The following MIA3 variants were observed in gnomAD, a reference collection of about 807,000 sequenced individuals.
MIA3 encodes transport and Golgi organization protein 1 homolog.
A neutral mutation model predicts 192.4 loss-of-function variants in MIA3; 90 were observed. The observed-to-expected ratio is 0.47, with a 90% CI of 0.39 to 0.56. The LOEUF (loss-of-function observed/expected upper bound fraction) is 0.56, where lower values mean the gene tolerates loss of function less well. Ranked by LOEUF, MIA3 falls within the 20% of genes least tolerant of loss-of-function variation. The pLI is 0.00. For synonymous variants in MIA3, 740 were observed against 792.8 expected, an observed-to-expected ratio of 0.93 and a Z score of 1.12; for missense variants, 2,123 against 2,269.4, an observed-to-expected ratio of 0.94 and a Z score of 1.31.
At chr1:222,648,757 T>A in intron 7 of MIA3, 72 bp from the exon 8 acceptor site, 1 of 873,390 alleles carries the variant, frequency 1.1e-6, no homozygotes, top group Non-Finnish European at 1.9e-6. Context: ...ATTCTGACAG[T>A]TGTATTAGAA....
At chr1:222,660,140 C>T in intron 23 of MIA3, 37 bp from the exon 24 acceptor site, 1 of 1,599,612 alleles carries the variant, frequency 6.3e-7, no homozygotes, top group Non-Finnish European at 8.5e-7. Flanking sequence ...GAAAAAAAGG[C>T]TGTCTTAAAA....
In MIA3 at chr1:222,629,940, C is replaced by T; in HGVS notation, c.2720C>T (p.Thr907Ile). Residue 907 changes from threonine (T) to isoleucine (I), a missense_variant, in exon 4 of 28, where the codon ACT becomes ATT. This residue lies in a region of MIA3 where 1,357 missense variants were observed against 1,396.1 expected (regional missense o/e 0.97). Transcript: ENST00000344922. ...AEPEDDSFHW[T>I]PHTSVEPGHS... is the part of the protein sequence containing the mutation. ...CCTGAAGATGACTCGTTCCACTGGA[C>T]TCCACATACAAGTGTAGAGCCAGGG... 6.2e-7 allele frequency: 1 copy of T among 1,614,112 alleles called. No individual in the cohort carries two copies.
At chr1:222,656,131 G>A (rs1010743712) in intron 18 of MIA3, among the ~76,000 whole-genome samples, 61 of 151,532 alleles carry the variant, frequency 4.0e-4, no homozygotes, top group African/African-American at 1.4e-3. Context: ...CACCATGCCC[G>A]GCTAATTTTT....
intron 9 of MIA3, 87 bp from the exon 10 acceptor site, chr1:222,650,547 C>T: frequency 1.0e-6 from 1 of 992,044 alleles, no homozygotes; most frequent in South Asian, 1.5e-5. Context: ...GTACTGTTTT[C>T]TTCTGTAAGA....
intron 6 of MIA3, among the ~76,000 whole-genome samples, chr1:222,634,971 C>T (rs1662565699): frequency 6.6e-6 from 1 of 152,156 alleles, no homozygotes; most frequent in East Asian, 1.9e-4. Context: ...TCTGGTGTAG[C>T]AACTGGCATT....
Position 222,660,287 on chromosome 1 carries a change from C to G in MIA3, c.5086C>G (p.Arg1696Gly). 1 of 1,613,738 alleles carries G rather than the reference C, an allele frequency of 6.2e-7. No homozygotes were observed. Among genetic ancestry groups the G allele is most frequent in the Non-Finnish European group, 8.5e-7 (1 of 1,179,810 alleles). ...GAGACCTCTCTCTGCTACTCTCAAT[C>G]GAAGAGATATGCCTAGAAGTGAATT... is the stretch of plus-strand genomic sequence containing the variant. ...PVRPLSATLN[R>G]RDMPRSEFGS... The change falls in exon 24 of 28, where the codon CGA (arginine) becomes GGA (glycine). Residue 1696 changes from arginine (R) to glycine (G), a missense_variant. By Grantham distance (125) the Arg-to-Gly change is moderately radical. Coordinates refer to ENST00000344922, the MANE Select transcript of MIA3 (RefSeq NM_198551.4).
chr1:222,651,262 T>C (rs1663418469), intron 11 of MIA3, among the ~76,000 whole-genome samples: 1 of 151,804 alleles, frequency 6.6e-6, no homozygotes, highest in African/African-American at 2.4e-5. Flanking sequence ...AGAATAGTTT[T>C]AGAATGACCT....
intron 7 of MIA3, among the ~76,000 whole-genome samples, chr1:222,646,674 C>T (rs551575116): frequency 6.6e-6 from 1 of 151,752 alleles, no homozygotes; most frequent in South Asian, 2.1e-4. Context: ...ATCGCTTGAA[C>T]TGGGGAAGCA....
chr1:222,650,029 G>A (rs878878976), intron 8 of MIA3, among the ~76,000 whole-genome samples: 10 of 152,130 alleles, frequency 6.6e-5, no homozygotes, highest in African/African-American at 2.2e-4. Flanking sequence ...CACAGGGATG[G>A]TGATAAACCA....
At chr1:222,650,070 C>T (rs1002692597) in intron 8 of MIA3, among the ~76,000 whole-genome samples, 4 of 152,188 alleles carry the variant, frequency 2.6e-5, no homozygotes, top group African/African-American at 9.7e-5. Flanking sequence ...ATGATCCAAT[C>T]ACCTTCCACC....
Position 222,666,726 on chromosome 1 carries a change from A to G in MIA3, c.*1107A>G, listed in dbSNP as rs1664308224. On this transcript the variant is annotated 3_prime_UTR_variant, in exon 28 of 28. Coordinates refer to ENST00000344922, the MANE Select transcript of MIA3 (RefSeq NM_198551.4). ...TGGGGGCGACAGATATTATTCCAAA[A>G]TTAATATTAATTAATATTTAAACGT... 1 of 152,068 alleles carries G rather than the reference A, an allele frequency of 6.6e-6. No homozygotes were observed. Among genetic ancestry groups the G allele is most frequent in the African/African-American group, 2.4e-5 (1 of 41,352 alleles). The allele number at this position is 152,068 out of a possible 1,614,324, so 9.4% of individuals were successfully genotyped here.
At chr1:222,660,676 G>T in intron 24 of MIA3, 1 of 179,038 alleles carries the variant, frequency 5.6e-6, no homozygotes, top group South Asian at 1.2e-4. Flanking sequence ...AAAATATTTT[G>T]GGAAATTTTT....
intron 3 of MIA3, among the ~76,000 whole-genome samples, chr1:222,625,592 A>G (rs554219979): frequency 3.3e-5 from 5 of 152,304 alleles, no homozygotes; most frequent in African/African-American, 1.2e-4. Context: ...ATAGTTATAG[A>G]TTTGGAAAAG....
intron 26 of MIA3, among the ~76,000 whole-genome samples, chr1:222,663,405 A>G (rs1664122900): frequency 6.6e-6 from 1 of 152,202 alleles, no homozygotes; most frequent in African/African-American, 2.4e-5. Flanking sequence ...CTTGGAGTCA[A>G]ACCTGGCATG....
At chr1:222,621,344 A>G (rs554669162) in intron 2 of MIA3, 52 bp downstream of exon 2, 4 of 1,533,358 alleles carry the variant, frequency 2.6e-6, no homozygotes, top group Non-Finnish European at 3.5e-6. Context: ...TGGCTTCTTT[A>G]GCACTGTAGA....
Position 222,628,227 on chromosome 1 carries a change from G to A in MIA3, c.1007G>A (p.Gly336Glu), listed in dbSNP as rs748160695. The A allele has an allele frequency of 4.3e-6, 7 of 1,614,062 alleles. No homozygotes were observed. Among genetic ancestry groups the A allele is most frequent in the Non-Finnish European group, 5.9e-6 (7 of 1,180,016 alleles). Residue 336 changes from glycine (G) to glutamate (E), a missense_variant, in exon 4 of 28, where the codon GGG becomes GAG. Gly to Glu is a moderately conservative substitution (Grantham distance 98). Around this residue, in one of 3 missense-constraint regions of MIA3, gnomAD observed 1,357 missense variants for 1,396.1 expected, o/e 0.97. Transcript: ENST00000344922. The part of the protein sequence containing the change: ...DELPLLTFTD[G>E]EDMKTPAKSG... ...TTGCCATTACTTACCTTTACAGATG[G>A]GGAAGATATGAAAACTCCAGCAAAG...
intron 13 of MIA3, 38 bp from the exon 14 acceptor site, chr1:222,652,970 G>T (rs755058809): frequency 6.3e-7 from 1 of 1,594,804 alleles, no homozygotes. Context: ...CAGTGCAAAA[G>T]CCCTAACCTG....
intron 4 of MIA3, among the ~76,000 whole-genome samples, chr1:222,631,841 C>T (rs1333585241): frequency 6.6e-6 from 1 of 152,186 alleles, no homozygotes; most frequent in Non-Finnish European, 1.5e-5. Context: ...ATAGATGTTT[C>T]ACATTTCTGC....
chr1:222,635,365 G>T (rs914394531), intron 6 of MIA3, among the ~76,000 whole-genome samples: 1 of 152,202 alleles, frequency 6.6e-6, no homozygotes, highest in Non-Finnish European at 1.5e-5. Flanking sequence ...TGTAGGATAC[G>T]ATCTGTGATC....
Sources: gnomAD v4.1 joint callset for allele counts (sites outside exome capture counted in the v4.1 genomes callset) on GRCh38, gnomAD v4.1.1 for gene constraint, gnomAD v4.1.1 regional missense constraint, MANE v1.5 for transcripts, NCBI Gene and HGNC (gene_info 2026-07-23, HGNC 2026-07-21) for gene names.